The following GNA14 variants were observed in gnomAD, a reference collection of about 807,000 sequenced individuals.
The protein encoded by GNA14 is guanine nucleotide-binding protein subunit alpha-14.
Under a neutral mutation model 42.0 loss-of-function variants are expected in GNA14, and 50 were observed. The ratio of observed to expected loss-of-function variants is 1.19; its 90% CI spans 0.95 to 1.51. The LOEUF (loss-of-function observed/expected upper bound fraction) is 1.51. Ranked by LOEUF, GNA14 falls within the 40% of genes most tolerant of loss-of-function variation. The probability of loss-of-function intolerance (pLI) is 0.00; values close to 1 mark genes in which losing one functional copy is unlikely to be tolerated. For synonymous variants in GNA14, 173 were observed against 163.1 expected, an observed-to-expected ratio of 1.06 and a Z score of -0.46; for missense variants, 473 against 446.2, an observed-to-expected ratio of 1.06 and a Z score of -0.54.
At chr9:77,520,958 TGG>T (rs2131760482) in intron 2 of GNA14, among the ~76,000 whole-genome samples, 1 of 152,330 alleles carries the variant, frequency 6.6e-6, no homozygotes, top group South Asian at 2.1e-4. Flanking sequence ...TAAAGGGTAG[TGG>T]GTGTTTTAAT....
chr9:77,621,585 C>T (rs141049780), intron 1 of GNA14, among the ~76,000 whole-genome samples: 3 of 152,136 alleles, frequency 2.0e-5, no homozygotes, highest in Admixed American at 1.3e-4. Context: ...CCTCCACCTG[C>T]CCCACCCGTT....
chr9:77,454,684 A>G (rs186255943), intron 2 of GNA14, among the ~76,000 whole-genome samples: 1 of 150,252 alleles, frequency 6.7e-6, no homozygotes, highest in Non-Finnish European at 1.5e-5. Context: ...ACCTCACTAT[A>G]GCCTTTCCAT....
At chr9:77,484,645 G>T (rs1836625305) in intron 2 of GNA14, among the ~76,000 whole-genome samples, 1 of 152,120 alleles carries the variant, frequency 6.6e-6, no homozygotes, top group Admixed American at 6.5e-5. Context: ...CTTTATCCAT[G>T]GAGGGTATAT....
chr9:77,583,861 C>T (rs1312976454), intron 1 of GNA14, among the ~76,000 whole-genome samples: 1 of 152,180 alleles, frequency 6.6e-6, no homozygotes, highest in Non-Finnish European at 1.5e-5. Flanking sequence ...CGGAGGACCA[C>T]TGCTGGAGTA....
intron 1 of GNA14, among the ~76,000 whole-genome samples, chr9:77,592,192 G>A (rs557665131): frequency 1.1e-4 from 16 of 152,178 alleles, no homozygotes; most frequent in Admixed American, 5.9e-4. Context: ...GTGAGCCACC[G>A]TGCCTGGCCA....
chr9:77,470,121 T>C (rs538527822), intron 2 of GNA14, among the ~76,000 whole-genome samples: 3 of 152,226 alleles, frequency 2.0e-5, no homozygotes, highest in African/African-American at 7.2e-5. Flanking sequence ...CTCCCCATCC[T>C]CTGGAGGCGG....
At chr9:77,618,613 TATATATA>T (rs1459640493) in intron 1 of GNA14, among the ~76,000 whole-genome samples, 100 of 14,018 alleles carry the variant, frequency 7.1e-3, no homozygotes, top group South Asian at 0.012. Flanking sequence ...TATATATATA[TATATATA>T]TTTTTTTTTT....
At chr9:77,503,950 G>C (rs374095677) in intron 2 of GNA14, among the ~76,000 whole-genome samples, 1 of 152,114 alleles carries the variant, frequency 6.6e-6, no homozygotes, top group Non-Finnish European at 1.5e-5. Flanking sequence ...CAAAGTGCTA[G>C]GATTGCAGGT....
At chr9:77,645,179 G>T (rs776962197) in intron 1 of GNA14, among the ~76,000 whole-genome samples, 1 of 152,146 alleles carries the variant, frequency 6.6e-6, no homozygotes, top group Non-Finnish European at 1.5e-5. Context: ...GTGTCTTTGG[G>T]GGTCATCCCA....
At chr9:77,622,106 T>C (rs1462023916) in intron 1 of GNA14, among the ~76,000 whole-genome samples, 1 of 152,146 alleles carries the variant, frequency 6.6e-6, no homozygotes, top group East Asian at 1.9e-4. Flanking sequence ...TACTCTTAAA[T>C]AGCTTAAATG....
rs143184550 is a variant in GNA14 at position 77,584,777 on chromosome 9, C to A, written c.125-55524G>T. Reference sequence around the variant, plus strand: ...GAGCAGACTCAAGGGCTGCTGGTTGCCAATTTTTATGGTTATTTCTTGATT... The same window carrying A: ...GAGCAGACTCAAGGGCTGCTGGTTGACAATTTTTATGGTTATTTCTTGATT... On this transcript the variant is annotated intron_variant, in intron 1 of 6. Coordinates refer to ENST00000341700, the MANE Select transcript of GNA14 (RefSeq NM_004297.4). Among the ~76,000 whole-genome samples, 7 of 152,266 alleles carry A rather than the reference C, an allele frequency of 4.6e-5. No individual in the cohort carries two copies. The East Asian group carries it at 1.2e-3, about 25-fold the overall frequency.
chr9:77,453,375 T>C (rs550419179), intron 2 of GNA14, among the ~76,000 whole-genome samples: 3 of 152,344 alleles, frequency 2.0e-5, no homozygotes, highest in South Asian at 4.1e-4. Flanking sequence ...GCAGCCTGAA[T>C]AGACTAAGAC....
At chr9:77,618,734 C>T (rs1473301149) in intron 1 of GNA14, among the ~76,000 whole-genome samples, 70 of 135,568 alleles carry the variant, frequency 5.2e-4, no homozygotes, top group Admixed American at 7.5e-5. Flanking sequence ...CCCGGGTTCA[C>T]GCCATTCTCC....
intron 2 of GNA14, among the ~76,000 whole-genome samples, chr9:77,471,922 T>C (rs887671024): frequency 2.0e-5 from 3 of 152,202 alleles, no homozygotes; most frequent in African/African-American, 7.2e-5. Context: ...ATAAAATATG[T>C]ATTAACTGCA....
intron 1 of GNA14, among the ~76,000 whole-genome samples, chr9:77,633,186 G>T (rs1473646644): frequency 6.6e-6 from 1 of 152,142 alleles, no homozygotes; most frequent in Non-Finnish European, 1.5e-5. Flanking sequence ...AAGAAATGTA[G>T]AAGGTGCTAT....
chr9:77,539,182 T>G (rs1316031584), intron 1 of GNA14, among the ~76,000 whole-genome samples: 1 of 152,212 alleles, frequency 6.6e-6, no homozygotes, highest in Non-Finnish European at 1.5e-5. Flanking sequence ...TGTATGTTCC[T>G]TCTATTTCTA....
At chr9:77,518,512 G>A (rs1259237187) in intron 2 of GNA14, among the ~76,000 whole-genome samples, 1 of 151,980 alleles carries the variant, frequency 6.6e-6, no homozygotes, top group Non-Finnish European at 1.5e-5. Flanking sequence ...GCTGCCACTG[G>A]TCTGTCATAA....
At chr9:77,442,983 C>T (rs1034571992) in intron 2 of GNA14, among the ~76,000 whole-genome samples, 7 of 152,112 alleles carry the variant, frequency 4.6e-5, no homozygotes, top group African/African-American at 1.7e-4. Context: ...TTTCAAATGA[C>T]ATAAAGATTT....
chr9:77,580,654 T>C (rs903593197), intron 1 of GNA14: 2 of 353,162 alleles, frequency 5.7e-6, no homozygotes, highest in Non-Finnish European at 5.8e-6. Context: ...GCACTCACAC[T>C]GTTTCCTCCT....
Sources: gnomAD v4.1 joint callset for allele counts (sites outside exome capture counted in the v4.1 genomes callset) on GRCh38, gnomAD v4.1.1 for gene constraint, MANE v1.5 for transcripts, NCBI Gene and HGNC (gene_info 2026-07-23, HGNC 2026-07-21) for gene names.